NARS2: variants seen among roughly 807,000 people sequenced by gnomAD.
NARS2 encodes asparaginyl-tRNA synthetase 2, mitochondrial.
NARS2 carries 60 observed loss-of-function variants against 62.9 expected under a neutral mutation model. The ratio of observed to expected loss-of-function variants is 0.95; its 90% CI spans 0.77 to 1.18. The LOEUF (loss-of-function observed/expected upper bound fraction) is 1.18, where lower values mean the gene tolerates loss of function less well. Among genes scored for constraint, NARS2 ranks in the 50% most tolerant of loss-of-function variants. The probability of loss-of-function intolerance (pLI) is 0.00; values close to 1 mark genes in which losing one functional copy is unlikely to be tolerated. For synonymous variants in NARS2, 196 were observed against 200.0 expected (o/e 0.98, Z 0.17); for missense variants, 619 against 576.4 (o/e 1.07, Z -0.76).
chr11:78,511,066 GT>G (rs1314421108), intron 6 of NARS2, among the ~76,000 whole-genome samples: 2 of 152,162 alleles, frequency 1.3e-5, no homozygotes, highest in African/African-American at 4.8e-5. Flanking sequence ...AATTCTTTTT[GT>G]TGTTACTGTG....
intron 7 of NARS2, among the ~76,000 whole-genome samples, chr11:78,490,663 G>A (rs1859781452): frequency 6.6e-6 from 1 of 152,034 alleles, no homozygotes; most frequent in Admixed American, 6.6e-5. Flanking sequence ...AGCTGGGCAT[G>A]TGGTGTGTGC....
chr11:78,574,149 T>C (rs966010377), intron 1 of NARS2, among the ~76,000 whole-genome samples, 199 bp downstream of exon 1: 1 of 152,232 alleles, frequency 6.6e-6, no homozygotes, highest in Admixed American at 6.5e-5. Flanking sequence ...GAAAGCAAAG[T>C]TCCAGCGCTT....
chr11:78,473,089 C>T (rs779271453), intron 9 of NARS2, among the ~76,000 whole-genome samples: 35 of 152,246 alleles, frequency 2.3e-4, no homozygotes, highest in Non-Finnish European at 4.9e-4. Flanking sequence ...TTGCTTGAGC[C>T]CAGGAGTTCA....
At chr11:78,544,876 A>G (rs775055385) in intron 5 of NARS2, among the ~76,000 whole-genome samples, 14 of 150,154 alleles carry the variant, frequency 9.3e-5, no homozygotes, top group Non-Finnish European at 1.6e-4. Flanking sequence ...GCTACTCAGG[A>G]GGCTGAGGCA....
chr11:78,475,351 T>C (rs1859044076), intron 9 of NARS2, among the ~76,000 whole-genome samples: 2 of 152,194 alleles, frequency 1.3e-5, no homozygotes, highest in Admixed American at 6.5e-5. Flanking sequence ...CTACTATGAA[T>C]AGTGCTGCAA....
chr11:78,561,604 T>C (rs1856556977), intron 4 of NARS2, among the ~76,000 whole-genome samples: 1 of 152,196 alleles, frequency 6.6e-6, no homozygotes, highest in Admixed American at 6.5e-5. Flanking sequence ...TTACGGCCCA[T>C]ACACATCAGT....
At chr11:78,463,713 C>A (rs1419973838) in intron 11 of NARS2, among the ~76,000 whole-genome samples, 205 of 47,960 alleles carry the variant, frequency 4.3e-3, no homozygotes, top group South Asian at 5.6e-3. Flanking sequence ...TAGTTAAGGT[C>A]AAAAAAAAAA....
At chr11:78,563,496 G>C (rs1447543381) in intron 4 of NARS2, among the ~76,000 whole-genome samples, 2 of 151,826 alleles carry the variant, frequency 1.3e-5, no homozygotes, top group African/African-American at 4.8e-5. Flanking sequence ...GATTTCAGGA[G>C]TGAGCCACAG....
chr11:78,541,416 C>G (rs927618871), intron 5 of NARS2, among the ~76,000 whole-genome samples: 1 of 151,814 alleles, frequency 6.6e-6, no homozygotes, highest in African/African-American at 2.4e-5. Flanking sequence ...CCTCTCACCT[C>G]TGCCTTCCGA....
chr11:78,532,340 T>C (rs1018778571), intron 5 of NARS2, among the ~76,000 whole-genome samples: 6 of 152,038 alleles, frequency 3.9e-5, no homozygotes, highest in African/African-American at 9.7e-5. Flanking sequence ...AACAGACAAA[T>C]GACAGATTAT....
chr11:78,502,719 G>A lies in NARS2; in HGVS notation c.690-9524C>T, dbSNP rs184670044. Among the ~76,000 whole-genome samples, 458 of 152,226 alleles carry A rather than the reference G, an allele frequency of 3.0e-3. 3 individuals are homozygous for A. Among genetic ancestry groups the A allele is most frequent in the Non-Finnish European group, 2.2e-3 (149 of 68,006 alleles). On this transcript the variant is annotated intron_variant, in intron 6 of 13. Coordinates refer to ENST00000281038, the MANE Select transcript of NARS2 (RefSeq NM_024678.6). Reference sequence around the variant, plus strand: ...TTAAAAGTTGACTGAGGCCAGGCGCGGCGCCTCACGCCTGTAATCCCAGCA... The same window carrying A: ...TTAAAAGTTGACTGAGGCCAGGCGCAGCGCCTCACGCCTGTAATCCCAGCA...
chr11:78,513,436 C>G (rs2135392645), intron 6 of NARS2, among the ~76,000 whole-genome samples: 1 of 151,662 alleles, frequency 6.6e-6, no homozygotes, highest in East Asian at 1.9e-4. Context: ...ATCTTATTCT[C>G]TATCTCCATG....
intron 4 of NARS2, among the ~76,000 whole-genome samples, chr11:78,565,363 G>C (rs1433518971): frequency 6.6e-6 from 1 of 152,124 alleles, no homozygotes; most frequent in Non-Finnish European, 1.5e-5. Flanking sequence ...ACAATAAAAA[G>C]CAAACCTCAT....
At chr11:78,537,541 A>C (rs151117993) in intron 5 of NARS2, among the ~76,000 whole-genome samples, 1 of 152,376 alleles carries the variant, frequency 6.6e-6, no homozygotes, top group African/African-American at 2.4e-5. Flanking sequence ...TCACAACTAT[A>C]ATCCCAGCAC....
At chr11:78,538,235 T>C (rs543465863) in intron 5 of NARS2, among the ~76,000 whole-genome samples, 1 of 152,280 alleles carries the variant, frequency 6.6e-6, no homozygotes, top group South Asian at 2.1e-4. Flanking sequence ...AAAAATCACT[T>C]ATCCATGAGG....
At chr11:78,455,951 T>C (rs891224491) in intron 11 of NARS2, among the ~76,000 whole-genome samples, 2 of 152,080 alleles carry the variant, frequency 1.3e-5, no homozygotes, top group Non-Finnish European at 2.9e-5. Flanking sequence ...TACTCAATAA[T>C]AGATGTCAAT....
At chr11:78,459,572 T>C (rs1364436845) in intron 11 of NARS2, among the ~76,000 whole-genome samples, 1 of 152,208 alleles carries the variant, frequency 6.6e-6, no homozygotes, top group East Asian at 1.9e-4. Flanking sequence ...GCCCAGCCGA[T>C]CTGATGGTTT....
At chr11:78,540,972 A>C (rs1855592911) in intron 5 of NARS2, among the ~76,000 whole-genome samples, 1 of 152,202 alleles carries the variant, frequency 6.6e-6, no homozygotes, top group Admixed American at 6.5e-5. Context: ...CAGCCTGGTC[A>C]ACATGGTGAA....
rs145116093 is a variant in NARS2 at position 78,518,053 on chromosome 11, C to T, written c.689+10789G>A. Among the ~76,000 whole-genome samples the T allele has an allele frequency of 2.0e-3, 299 of 152,216 alleles. 1 individual carries two copies. The highest frequency in any genetic ancestry group is 6.8e-3 in the African/African-American group (283 of 41,522). ...TGTGGGCTCAACACTATAGTACAGT[C>T]GGCCCTCTGCATTTACAGATTCAAC... On this transcript the variant is annotated intron_variant, in intron 6 of 13. Coordinates refer to ENST00000281038, the MANE Select transcript of NARS2 (RefSeq NM_024678.6).
Sources: gnomAD v4.1 joint callset for allele counts (sites outside exome capture counted in the v4.1 genomes callset) on GRCh38, gnomAD v4.1.1 for gene constraint, MANE v1.5 for transcripts, NCBI Gene and HGNC (gene_info 2026-07-23, HGNC 2026-07-21) for gene names.